The following NRSN1 variants were observed in gnomAD, a reference collection of about 807,000 sequenced individuals.
NRSN1 encodes the protein neurensin 1, also known as neurensin-1.
Under a neutral mutation model 17.3 loss-of-function variants are expected in NRSN1, and 14 were observed. The observed-to-expected ratio is 0.81, with a 90% CI of 0.54 to 1.27. The LOEUF is 1.27. Ranked by LOEUF, NRSN1 falls within the 50% of genes most tolerant of loss-of-function variation. The pLI, the probability that NRSN1 is intolerant of heterozygous loss-of-function variation, is 0.00. For synonymous variants in NRSN1, 79 were observed against 94.2 expected (o/e 0.84, Z 0.93); for missense variants, 209 against 235.9 (o/e 0.89, Z 0.75).
At chr6:24,128,597 C>T (rs1759985783) in intron 2 of NRSN1, 1 of 152,188 alleles carries the variant, frequency 6.6e-6, no homozygotes, top group Non-Finnish European at 1.5e-5. Flanking sequence ...TGTTAGCAGG[C>T]TTTCATGCCT....
chr6:24,146,324 C>T lies in NRSN1; in HGVS notation c.*378C>T, dbSNP rs1435676121. 1.4e-5 allele frequency: 7 copies of T among 491,170 alleles called. No individual in the cohort carries two copies. Among genetic ancestry groups the T allele is most frequent in the Non-Finnish European group, 2.9e-5 (7 of 240,648 alleles). The allele number at this position is 491,170 out of a possible 1,614,324, so 30.4% of individuals were successfully genotyped here. ...ATTTTATTTTCTAATATTGGTTTAT[C>T]TAATGTTTTCTGCGTGGTGCTGTCT... On this transcript the variant is annotated 3_prime_UTR_variant, in exon 4 of 4. Coordinates refer to ENST00000378491, the MANE Select transcript of NRSN1 (RefSeq NM_080723.5).
rs1431419526 is a variant in NRSN1 at position 24,134,529 on chromosome 6, C to T, written c.189+13C>T. 6.2e-7 allele frequency: 1 copy of T among 1,610,180 alleles called. No individual in the cohort carries two copies. The highest frequency in any genetic ancestry group is 2.2e-5 in the East Asian group (1 of 44,868). Reference sequence around the variant, plus strand: ...AGTATTCTGGAAGGTAAGGAAGGAGCATGTGTTTAACTTAGGGAATGGAAA... The same window carrying T: ...AGTATTCTGGAAGGTAAGGAAGGAGTATGTGTTTAACTTAGGGAATGGAAA... On this transcript the variant is annotated intron_variant, in intron 3 of 3. Coordinates refer to ENST00000378491, the MANE Select transcript of NRSN1 (RefSeq NM_080723.5).
At chr6:24,128,794 C>T (rs561080071) in intron 2 of NRSN1, 1 of 152,140 alleles carries the variant, frequency 6.6e-6, no homozygotes, top group Admixed American at 6.5e-5. Flanking sequence ...GAGAGAAAAG[C>T]AGCATGAAAA....
At chr6:24,134,752 A>T (rs1047839022) in intron 3 of NRSN1, among the ~76,000 whole-genome samples, 1 of 152,264 alleles carries the variant, frequency 6.6e-6, no homozygotes, top group Non-Finnish European at 1.5e-5. Context: ...TGCAATTGCC[A>T]TATGAATTAT....
chr6:24,138,411 T>C (rs1760149255), intron 3 of NRSN1, among the ~76,000 whole-genome samples: 1 of 152,316 alleles, frequency 6.6e-6, no homozygotes, highest in East Asian at 1.9e-4. Flanking sequence ...TGACTAAGGC[T>C]GTTGCCACTT....
intron 3 of NRSN1, among the ~76,000 whole-genome samples, chr6:24,142,664 G>C (rs760158450): frequency 3.9e-5 from 6 of 152,072 alleles, no homozygotes; most frequent in African/African-American, 7.2e-5. Context: ...TGACCATGTT[G>C]GTCAGGCTTG....
At position 24,146,368 on chromosome 6, in the gene NRSN1, T is replaced by C. The variant is rs1760306049; in HGVS notation, c.*422T>C. The C allele has an allele frequency of 2.3e-6, 1 of 444,418 alleles. No homozygotes were observed. Among genetic ancestry groups the C allele is most frequent in the Admixed American group, 2.6e-5 (1 of 38,910 alleles). 27.5% of individuals were successfully genotyped at this position (444,418 alleles called of 1,614,324 possible). ...GCTGTCTTCCATTCCTGTCTCACTA[T>C]GTGTAAGATTTTGTCATATGTGTTC... is the stretch of plus-strand genomic sequence containing the variant. On this transcript the variant is annotated 3_prime_UTR_variant, in exon 4 of 4. Coordinates refer to ENST00000378491, the MANE Select transcript of NRSN1 (RefSeq NM_080723.5).
chr6:24,134,971 C>G (rs375525594), intron 3 of NRSN1, among the ~76,000 whole-genome samples: 10 of 152,132 alleles, frequency 6.6e-5, no homozygotes, highest in African/African-American at 2.4e-4. Flanking sequence ...CCGTCTCTAC[C>G]GAGTGTGTGA....
intron 3 of NRSN1, among the ~76,000 whole-genome samples, chr6:24,138,615 G>A (rs901009018): frequency 6.6e-6 from 1 of 152,128 alleles, no homozygotes. Flanking sequence ...GCAGGTGCAA[G>A]GTGTGACCGC....
At chr6:24,132,425 T>G (rs527276722) in intron 2 of NRSN1, among the ~76,000 whole-genome samples, 1 of 152,366 alleles carries the variant, frequency 6.6e-6, no homozygotes, top group East Asian at 1.9e-4. Context: ...TATGCCTCTG[T>G]TGGCCTGGAT....
chr6:24,136,155 TAAAAG>T (rs1224683458), intron 3 of NRSN1, among the ~76,000 whole-genome samples: 6 of 152,142 alleles, frequency 3.9e-5, no homozygotes, highest in Non-Finnish European at 5.9e-5. Flanking sequence ...ACCAACCACA[TAAAAG>T]ATATGAGAAT....
At chr6:24,140,965 G>C (rs1760194661) in intron 3 of NRSN1, 1 of 1,382,484 alleles carries the variant, frequency 7.2e-7, no homozygotes, top group Admixed American at 3.1e-5. Context: ...GCCAAGAGTG[G>C]AATCGGAAGT....
chr6:24,142,986 T>C (rs1023724836), intron 3 of NRSN1, among the ~76,000 whole-genome samples: 6 of 150,348 alleles, frequency 4.0e-5, no homozygotes, highest in African/African-American at 1.2e-4. Context: ...GATTGGTGCA[T>C]TTACAAACCC....
chr6:24,141,077 C>T, intron 3 of NRSN1: 2 of 1,424,324 alleles, frequency 1.4e-6, no homozygotes, highest in Non-Finnish European at 1.8e-6. Flanking sequence ...CCCTAAGGCC[C>T]CAGGTTGCTC....
chr6:24,130,406 C>T (rs1760009772), intron 2 of NRSN1, among the ~76,000 whole-genome samples: 1 of 152,140 alleles, frequency 6.6e-6, no homozygotes, highest in East Asian at 1.9e-4. Flanking sequence ...ATAACTGTAA[C>T]ATGGGGACAA....
At chr6:24,139,596 C>A (rs1346962933) in intron 3 of NRSN1, among the ~76,000 whole-genome samples, 1 of 152,158 alleles carries the variant, frequency 6.6e-6, no homozygotes, top group Admixed American at 6.5e-5. Context: ...GGACATTTTT[C>A]TGTAGATTTT....
At chr6:24,126,611 T>C (rs74520837) in intron 1 of NRSN1, among the ~76,000 whole-genome samples, 139 of 152,248 alleles carry the variant, frequency 9.1e-4, no homozygotes, top group African/African-American at 3.2e-3. Flanking sequence ...TGTAAGAATT[T>C]GGGGGGTGGG....
intron 2 of NRSN1, among the ~76,000 whole-genome samples, chr6:24,133,593 T>TGTAA (rs1381150181): frequency 6.6e-6 from 1 of 152,218 alleles, no homozygotes; most frequent in African/African-American, 2.4e-5. Flanking sequence ...TTCTTTAACA[T>TGTAA]GTAAGTGCAA....
At chr6:24,127,119 T>A (rs559210300) in intron 1 of NRSN1, among the ~76,000 whole-genome samples, 1 of 148,972 alleles carries the variant, frequency 6.7e-6, no homozygotes, top group Non-Finnish European at 1.5e-5. Context: ...CAGATGGGGG[T>A]GGAGGGCAGG....
Sources: gnomAD v4.1 joint callset for allele counts (sites outside exome capture counted in the v4.1 genomes callset) on GRCh38, gnomAD v4.1.1 for gene constraint, MANE v1.5 for transcripts, NCBI Gene and HGNC (gene_info 2026-07-23, HGNC 2026-07-21) for gene names.